Variants in XPR1 observed in about 807,000 individuals in gnomAD.
The protein encoded by XPR1 is xenotropic and polytropic retrovirus receptor 1.
A neutral mutation model predicts 87.5 loss-of-function variants in XPR1; 28 were observed. The ratio of observed to expected loss-of-function variants is 0.32; its 90% CI spans 0.24 to 0.44. The LOEUF (loss-of-function observed/expected upper bound fraction) is 0.44, where lower values mean the gene tolerates loss of function less well. Among genes scored for constraint, XPR1 ranks in the 20% least tolerant of loss-of-function variants. The pLI, the probability that XPR1 is intolerant of heterozygous loss-of-function variation, is 1.00. For missense variants in XPR1, 559 were observed against 862.3 expected (o/e 0.65, Z 4.41); for synonymous variants, 300 against 306.1 (o/e 0.98, Z 0.21).
intron 2 of XPR1, among the ~76,000 whole-genome samples, chr1:180,683,126 C>A (rs1028484809): frequency 1.4e-4 from 20 of 145,780 alleles, no homozygotes; most frequent in African/African-American, 4.8e-4. Flanking sequence ...TCCCCCCACC[C>A]CACAACAGTC....
intron 2 of XPR1, among the ~76,000 whole-genome samples, chr1:180,769,738 A>G (rs943084341): frequency 1.3e-4 from 20 of 152,346 alleles, no homozygotes; most frequent in African/African-American, 4.8e-4. Flanking sequence ...TGCAACAAAC[A>G]TGGGAGTGCA....
chr1:180,817,084 G>A (rs1337451986), intron 7 of XPR1, among the ~76,000 whole-genome samples: 2 of 151,574 alleles, frequency 1.3e-5, no homozygotes, highest in African/African-American at 4.8e-5. Context: ...TTTTAAGAAG[G>A]TTTAAAAAGT....
Position 180,632,137 on chromosome 1 carries a change from A to G in XPR1, c.-65A>G. ...CGGGGCCCATGTGGGGAGGAGTCGG[A>G]GTCGCTGTTGCCGCCGCCGCCTGTA... On this transcript the variant is annotated 5_prime_UTR_variant, in exon 1 of 15. Transcript: ENST00000367590. The G allele has an allele frequency of 1.9e-6, 3 of 1,549,242 alleles. No homozygotes were observed. Among genetic ancestry groups the G allele is most frequent in the East Asian group, 2.4e-5 (1 of 41,428 alleles).
rs940099166 is a variant in XPR1, at chr1:180,632,124, G to A, written c.-78G>A. 2.2e-5 allele frequency: 34 copies of A among 1,521,432 alleles called. No individual in the cohort carries two copies. The highest frequency in any genetic ancestry group is 1.2e-4 in the East Asian group (5 of 40,990). 94.2% of individuals were successfully genotyped at this position (1,521,432 alleles called of 1,614,324 possible). ...CGCCGCGCCGCGCCGGGGCCCATGTGGGGAGGAGTCGGAGTCGCTGTTGCC... is the reference window on the plus strand; with the variant it reads ...CGCCGCGCCGCGCCGGGGCCCATGTAGGGAGGAGTCGGAGTCGCTGTTGCC... On this transcript the variant is annotated 5_prime_UTR_variant, in exon 1 of 15. An upstream open reading frame in the 5' UTR gains an earlier in-frame stop. Coordinates refer to ENST00000367590, the MANE Select transcript of XPR1 (RefSeq NM_004736.4).
At chr1:180,727,627 A>G (rs1658400746) in intron 2 of XPR1, among the ~76,000 whole-genome samples, 1 of 152,198 alleles carries the variant, frequency 6.6e-6, no homozygotes, top group South Asian at 2.1e-4. Flanking sequence ...CTGGGTGGCA[A>G]GAGTGAAACT....
rs185958095 is a variant in XPR1 at position 180,785,299 on chromosome 1, C to T, written c.122-2454C>T. On this transcript the variant is annotated intron_variant, in intron 2 of 14. Coordinates refer to ENST00000367590, the MANE Select transcript of XPR1 (RefSeq NM_004736.4). ...TCCCGAGTAGCTAGGATTACAGGCACGAGCCACCATGCCCAACTAATTTTT... is the reference window on the plus strand; with the variant it reads ...TCCCGAGTAGCTAGGATTACAGGCATGAGCCACCATGCCCAACTAATTTTT... 8.6e-5 allele frequency among the ~76,000 whole-genome samples: 13 copies of T among 151,832 alleles called. 1 individual carries two copies. Among genetic ancestry groups the T allele is most frequent in the Admixed American group, 7.9e-4 (12 of 15,208 alleles).
At position 180,873,894 on chromosome 1, in the gene XPR1, A is replaced by T. The variant is rs997789280; in HGVS notation, c.1760A>T (p.His587Leu). ...ISITSTTLLP[H>L]SGDIIATVFA... ...ATTACCTCTACAACTTTGTTGCCTCATTCTGGGGACATCATTGCTACTGTC... is the reference window on the plus strand; with the variant it reads ...ATTACCTCTACAACTTTGTTGCCTCTTTCTGGGGACATCATTGCTACTGTC... The change falls in exon 13 of 15, where the codon CAT becomes CTT. Residue 587 changes from histidine to leucine, a missense_variant. By Grantham distance (99) the His-to-Leu change is moderately conservative. Around this residue, in one of 7 missense-constraint regions of XPR1, gnomAD observed 264 missense variants for 377.2 expected, o/e 0.70. Coordinates refer to ENST00000367590, the MANE Select transcript of XPR1 (RefSeq NM_004736.4). 7 of 1,614,024 alleles carry T rather than the reference A, an allele frequency of 4.3e-6. No homozygotes were observed. Among genetic ancestry groups the T allele is most frequent in the Non-Finnish European group, 5.1e-6 (6 of 1,180,028 alleles).
At chr1:180,778,272 C>T (rs1648800918) in intron 2 of XPR1, among the ~76,000 whole-genome samples, 1 of 152,194 alleles carries the variant, frequency 6.6e-6, no homozygotes, top group African/African-American at 2.4e-5. Flanking sequence ...GCATGAGCCA[C>T]CACACCTGAC....
chr1:180,825,780 G>C (rs958189734), intron 9 of XPR1, among the ~76,000 whole-genome samples: 5 of 152,208 alleles, frequency 3.3e-5, no homozygotes, highest in African/African-American at 1.2e-4. Flanking sequence ...GCTGGGCGCG[G>C]TGGCTCACGC....
chr1:180,864,634 ATTCT>A lies in XPR1; in HGVS notation c.1668+763_1668+766del, dbSNP rs200664133. 9.6e-3 allele frequency among the ~76,000 whole-genome samples: 1,459 copies of A among 152,246 alleles called. 16 individuals carry two copies. The highest frequency in any genetic ancestry group is 0.032 in the African/African-American group (1,333 of 41,556). On this transcript the variant is annotated intron_variant, in intron 12 of 14. Transcript: ENST00000367590. The stretch of plus-strand genomic sequence containing the variant: ...CCATTTCAATCAGAAAACATAGATA[ATTCT>A]TTAGGAATAATTCTTTAGGAATTAT...
chr1:180,844,916 A>C (rs1482025293), intron 11 of XPR1, among the ~76,000 whole-genome samples: 2 of 152,202 alleles, frequency 1.3e-5, no homozygotes, highest in Non-Finnish European at 2.9e-5. Context: ...AAAGCAAGTC[A>C]CCAAACCCTA....
intron 1 of XPR1, among the ~76,000 whole-genome samples, chr1:180,681,265 T>A (rs1656569981): frequency 6.6e-6 from 1 of 152,216 alleles, no homozygotes; most frequent in African/African-American, 2.4e-5. Context: ...ATATCCTAAT[T>A]ACCCTGATCT....
At chr1:180,641,890 C>T (rs1654972489) in intron 1 of XPR1, among the ~76,000 whole-genome samples, 1 of 152,148 alleles carries the variant, frequency 6.6e-6, no homozygotes. Context: ...GCTGTATAAA[C>T]ATTGCTTTGA....
intron 2 of XPR1, among the ~76,000 whole-genome samples, chr1:180,691,362 T>C (rs1656988390): frequency 6.6e-6 from 1 of 152,204 alleles, no homozygotes; most frequent in Non-Finnish European, 1.5e-5. Flanking sequence ...TTTTTTAGAC[T>C]ATTTAAATTA....
chr1:180,763,076 T>C (rs776416486), intron 2 of XPR1, among the ~76,000 whole-genome samples: 2 of 152,222 alleles, frequency 1.3e-5, no homozygotes, highest in Non-Finnish European at 2.9e-5. Context: ...ATCCTCCAGC[T>C]GAAATTGTCA....
chr1:180,638,590 C>T (rs754343977), intron 1 of XPR1, among the ~76,000 whole-genome samples: 13 of 152,112 alleles, frequency 8.5e-5, no homozygotes, highest in African/African-American at 1.7e-4. Context: ...TTATAGAAGT[C>T]TTCCTTTGCT....
At position 180,873,908 on chromosome 1, in the gene XPR1, A is replaced by G. The variant is rs776220880; in HGVS notation, c.1774A>G (p.Ile592Val). The change falls in exon 13 of 15, where the codon ATT (isoleucine) becomes GTT (valine). Residue 592 changes from isoleucine (I) to valine (V), a missense_variant. Physicochemically the swap from Ile to Val is conservative, Grantham distance 29. Coordinates refer to ENST00000367590, the MANE Select transcript of XPR1 (RefSeq NM_004736.4). ...TTTGTTGCCTCATTCTGGGGACATC[A>G]TTGCTACTGTCTTTGCCCCACTTGA... Reference protein sequence around the residue: ...TTLLPHSGDIIATVFAPLEVF... With the variant: ...TTLLPHSGDIVATVFAPLEVF... 2 of 1,614,026 alleles carry G rather than the reference A, an allele frequency of 1.2e-6. No individual in the cohort carries two copies. The highest frequency in any genetic ancestry group is 2.7e-5 in the African/African-American group (2 of 74,944).
chr1:180,771,301 T>G (rs774964660), intron 2 of XPR1, among the ~76,000 whole-genome samples: 30 of 152,172 alleles, frequency 2.0e-4, no homozygotes, highest in Non-Finnish European at 4.3e-4. Flanking sequence ...TTAATTTGTC[T>G]TTAGGCCCTA....
chr1:180,649,414 G>C (rs976932476), intron 1 of XPR1, among the ~76,000 whole-genome samples: 3 of 152,108 alleles, frequency 2.0e-5, no homozygotes, highest in Non-Finnish European at 4.4e-5. Flanking sequence ...CTGGGTGACA[G>C]AGTGAGACTC....
Sources: gnomAD v4.1 joint callset for allele counts (sites outside exome capture counted in the v4.1 genomes callset) on GRCh38, gnomAD v4.1.1 for gene constraint, gnomAD v4.1.1 regional missense constraint, MANE v1.5 for transcripts, NCBI Gene and HGNC (gene_info 2026-07-23, HGNC 2026-07-21) for gene names.